The following TRIB2 variants were observed in gnomAD, a reference collection of about 807,000 sequenced individuals.
TRIB2 encodes the protein tribbles pseudokinase 2.
Under a neutral mutation model 26.8 loss-of-function variants are expected in TRIB2, and 2 were observed. That is an observed-to-expected ratio of 0.07 (90% CI 0.03 to 0.24). The LOEUF (loss-of-function observed/expected upper bound fraction) is 0.24, where lower values mean the gene tolerates loss of function less well. TRIB2 is among the 10% of genes least tolerant of loss of function. The pLI, the probability that TRIB2 is intolerant of heterozygous loss-of-function variation, is 1.00. For missense variants in TRIB2, 306 were observed against 449.0 expected, an observed-to-expected ratio of 0.68 and a Z score of 2.88; for synonymous variants, 189 against 187.3, an observed-to-expected ratio of 1.01 and a Z score of -0.08.
rs1666656595 is a variant in TRIB2 at position 12,718,720 on chromosome 2, G to A, written c.270+143G>A. 1.6e-6 allele frequency: 2 copies of A among 1,247,170 alleles called. No homozygotes were observed. The highest frequency in any genetic ancestry group is 3.2e-5 in the South Asian group (2 of 62,600). 77.3% of individuals were successfully genotyped at this position (1,247,170 alleles called of 1,614,324 possible). On this transcript the variant is annotated intron_variant, in intron 1 of 2. Transcript: ENST00000155926. The surrounding 1 kb of genome is among the most constrained non-coding windows in gnomAD (Gnocchi z 4.0). ...ATGGGTTTATTTATTTATTTGCTCA[G>A]GTTCGGTAAGTTGCGAAGTTTTTAG... is the stretch of plus-strand genomic sequence containing the variant.
intron 2 of TRIB2, among the ~76,000 whole-genome samples, chr2:12,729,328 G>C (rs1164800667): frequency 1.3e-5 from 2 of 152,208 alleles, no homozygotes; most frequent in African/African-American, 4.8e-5. Flanking sequence ...GTTGGGCCTT[G>C]CTATTTGTTG....
Position 12,731,864 on chromosome 2 carries a change from C to T in TRIB2, c.563+8312C>T, listed in dbSNP as rs546055799. Among the ~76,000 whole-genome samples, 6 of 152,342 alleles carry T rather than the reference C, an allele frequency of 3.9e-5. No homozygotes were observed. The East Asian group carries it at 1.2e-3, about 29-fold the overall frequency. The stretch of plus-strand genomic sequence containing the variant: ...TGGACCCCGAAGCACTCCTAAGCCA[C>T]CGGGCAGGGCAGCAACACCATCGCT... On this transcript the variant is annotated intron_variant, in intron 2 of 2. Transcript: ENST00000155926.
In TRIB2 at chr2:12,717,137, G is replaced by C. The variant is rs980553827; in HGVS notation, c.-1171G>C. 2.7e-5 allele frequency: 10 copies of C among 376,124 alleles called. No individual in the cohort carries two copies. Among genetic ancestry groups the C allele is most frequent in the Middle Eastern group, 6.7e-4 (1 of 1,490 alleles). 23.3% of individuals were successfully genotyped at this position (376,124 alleles called of 1,614,324 possible). The stretch of plus-strand genomic sequence containing the variant: ...CGGTCCCCTCTTTTCTCTGGGGGGG[G>C]CAAGCAAGAAATCAAAGAAGGAGGA... On this transcript the variant is annotated 5_prime_UTR_variant, in exon 1 of 3. Transcript: ENST00000155926. This position sits in a 1 kb window ranked among gnomAD's most constrained non-coding sequence, Gnocchi z 4.8.
intron 2 of TRIB2, chr2:12,724,602 C>T: frequency 6.3e-7 from 1 of 1,596,482 alleles, no homozygotes; most frequent in Non-Finnish European, 8.5e-7. Context: ...AGTGTGGAAC[C>T]ACATTTACCT....
At position 12,718,397 on chromosome 2, in the gene TRIB2, A is replaced by C; in HGVS notation, c.90A>C (p.Ile30=). 6.2e-7 allele frequency: 1 copy of C among 1,614,144 alleles called. No homozygotes were observed. Among genetic ancestry groups the C allele is most frequent in the Non-Finnish European group, 8.5e-7 (1 of 1,180,014 alleles). ...KTQDFEELSS[I]RSAEPSQSFS... ...AGGATTTCGAAGAGTTGTCGTCTAT[A>C]AGGTCCGCGGAGCCCAGCCAGAGTT... The change falls in exon 1 of 3, where the codon ATA becomes ATC. Residue 30 remains isoleucine, a synonymous_variant. Coordinates refer to ENST00000155926, the MANE Select transcript of TRIB2 (RefSeq NM_021643.4). This position sits in a 1 kb window ranked among gnomAD's most constrained non-coding sequence, Gnocchi z 4.0.
intron 1 of TRIB2, 133 bp from the exon 2 acceptor site, chr2:12,723,127 A>T (rs776442163): frequency 2.4e-5 from 24 of 984,938 alleles, no homozygotes; most frequent in Middle Eastern, 2.8e-4. Flanking sequence ...GGCAGGGCCA[A>T]TGTGGTCTGG....
chr2:12,736,480 A>C (rs1456448039), intron 2 of TRIB2, among the ~76,000 whole-genome samples: 1 of 152,028 alleles, frequency 6.6e-6, no homozygotes, highest in Non-Finnish European at 1.5e-5. Flanking sequence ...CCCCCTTATC[A>C]CTATGGGAGA....
At chr2:12,729,611 T>C (rs775090953) in intron 2 of TRIB2, among the ~76,000 whole-genome samples, 10 of 152,236 alleles carry the variant, frequency 6.6e-5, no homozygotes, top group Non-Finnish European at 1.2e-4. Context: ...TCAGTGTCTA[T>C]GGCAGGCTGT....
At position 12,724,783 on chromosome 2, in the gene TRIB2, G is replaced by T. The variant is rs200880275; in HGVS notation, c.563+1231G>T. The T allele has an allele frequency of 1.2e-3, 1,898 of 1,612,536 alleles. 34 individuals are homozygous for T. In the South Asian group the frequency reaches 0.018, roughly 15 times the overall value. On this transcript the variant is annotated intron_variant, in intron 2 of 2. Coordinates refer to ENST00000155926, the MANE Select transcript of TRIB2 (RefSeq NM_021643.4). ...TTCTGTATGCTGTATTGGCTCTAAG[G>T]TCTTTTCAATTAATAATAAATTGGT...
Position 12,723,312 on chromosome 2 carries a change from C to G in TRIB2, c.323C>G (p.Ser108Cys). The G allele has an allele frequency of 6.2e-7, 1 of 1,614,236 alleles. No individual in the cohort carries two copies. The highest frequency in any genetic ancestry group is 8.5e-7 in the Non-Finnish European group (1 of 1,180,040). ...TCCCTGGCACCGTGCTTTTGCCTGTCTGCTCATAGTAACATCAACCAAATC... is the reference window on the plus strand; with the variant it reads ...TCCCTGGCACCGTGCTTTTGCCTGTGTGCTCATAGTAACATCAACCAAATC... ...QESLAPCFCL[S>C]AHSNINQITE... Residue 108 changes from serine to cysteine, a missense_variant, in exon 2 of 3, where the codon TCT becomes TGT. By Grantham distance (112) the Ser-to-Cys change is moderately radical. Around this residue, in one of 4 missense-constraint regions of TRIB2, gnomAD observed 118 missense variants for 188.8 expected, o/e 0.63. Transcript: ENST00000155926.
Position 12,718,524 on chromosome 2 carries a change from G to A in TRIB2, c.217G>A (p.Asp73Asn). 1 of 1,614,182 alleles carries A rather than the reference G, an allele frequency of 6.2e-7. No individual in the cohort carries two copies. The highest frequency in any genetic ancestry group is 8.5e-7 in the Non-Finnish European group (1 of 1,180,024). Reference protein sequence around the residue: ...KYLLLEPLEGDHVFRAVHLHS... With the variant: ...KYLLLEPLEGNHVFRAVHLHS... Reference sequence around the variant, plus strand: ...CTTATTGTTGGAACCTCTGGAGGGAGACCACGTTTTTCGTGCCGTGCATCT... The same window carrying A: ...CTTATTGTTGGAACCTCTGGAGGGAAACCACGTTTTTCGTGCCGTGCATCT... Residue 73 changes from aspartate to asparagine, a missense_variant, in exon 1 of 3, where the codon GAC becomes AAC. This residue lies in a region of TRIB2 where 99 missense variants were observed against 106.5 expected (regional missense o/e 0.93). Coordinates refer to ENST00000155926, the MANE Select transcript of TRIB2 (RefSeq NM_021643.4). The surrounding 1 kb of genome is among the most constrained non-coding windows in gnomAD (Gnocchi z 4.0).
chr2:12,742,696 ATC>A lies in TRIB2; in HGVS notation c.*1906_*1907del, dbSNP rs16350. 0.44 allele frequency: 66,875 copies of A among 152,028 alleles called. 15,806 individuals are homozygous for A. The highest frequency in any genetic ancestry group is 0.83 in the East Asian group (4,277 of 5,144). 9.4% of individuals were successfully genotyped at this position (152,028 alleles called of 1,614,324 possible). A position where few individuals can be genotyped will look rare whatever the true frequency, so the allele number is the denominator to read the frequency against. On this transcript the variant is annotated 3_prime_UTR_variant, in exon 3 of 3. Transcript: ENST00000155926. Reference sequence around the variant, plus strand: ...TATTTGGTTTAATGTTTTTGTCCTAATCTCTTCAATCAATAAAATTGTGCGTA... The same window carrying A: ...TATTTGGTTTAATGTTTTTGTCCTAATCTTCAATCAATAAAATTGTGCGTA...
At chr2:12,724,511 C>A (rs1661294696) in intron 2 of TRIB2, 1 of 1,487,858 alleles carries the variant, frequency 6.7e-7, no homozygotes, top group Non-Finnish European at 9.0e-7. Context: ...ATGTGGAGAC[C>A]AGCTCATATC....
At chr2:12,729,842 C>T (rs1661416866) in intron 2 of TRIB2, among the ~76,000 whole-genome samples, 2 of 152,118 alleles carry the variant, frequency 1.3e-5, no homozygotes. Context: ...CTCCATTTAG[C>T]CCTATGGTCT....
At chr2:12,724,447 G>T (rs1661293400) in intron 2 of TRIB2, among the ~76,000 whole-genome samples, 1 of 152,208 alleles carries the variant, frequency 6.6e-6, no homozygotes, top group South Asian at 2.1e-4. Flanking sequence ...GAGGGACAGA[G>T]GCAACAAATC....
intron 2 of TRIB2, among the ~76,000 whole-genome samples, chr2:12,723,846 T>C (rs1050744834): frequency 1.3e-5 from 2 of 152,208 alleles, no homozygotes; most frequent in African/African-American, 2.4e-5. Flanking sequence ...CAAACCTCTT[T>C]GACATTTTCA....
intron 1 of TRIB2, among the ~76,000 whole-genome samples, chr2:12,721,094 T>C (rs933195412): frequency 3.9e-5 from 6 of 152,214 alleles, no homozygotes; most frequent in African/African-American, 1.4e-4. Context: ...TCCAAGCCCC[T>C]AAATGCCCCT....
At chr2:12,730,499 C>T (rs527900601) in intron 2 of TRIB2, among the ~76,000 whole-genome samples, 5 of 152,368 alleles carry the variant, frequency 3.3e-5, no homozygotes, top group Admixed American at 3.3e-4. Flanking sequence ...AGGGTCAAAA[C>T]TCAGCTCACG....
At chr2:12,727,134 CTCT>C (rs1179144616) in intron 2 of TRIB2, among the ~76,000 whole-genome samples, 1 of 152,190 alleles carries the variant, frequency 6.6e-6, no homozygotes, top group Non-Finnish European at 1.5e-5. Context: ...TAACTTCTGG[CTCT>C]TCTTAGCTAC....
Sources: gnomAD v4.1 joint callset for allele counts (sites outside exome capture counted in the v4.1 genomes callset) on GRCh38, gnomAD v4.1.1 for gene constraint, gnomAD v4.1.1 regional missense constraint, Gnocchi (gnomAD v3.1) non-coding constraint, MANE v1.5 for transcripts, NCBI Gene and HGNC (gene_info 2026-07-23, HGNC 2026-07-21) for gene names.